Variants in BAIAP2L2 observed in about 807,000 individuals in gnomAD.
BAIAP2L2 encodes BAR/IMD domain-containing adapter protein 2-like 2.
A neutral mutation model predicts 60.4 loss-of-function variants in BAIAP2L2; 65 were observed. That is an observed-to-expected ratio of 1.08 (90% confidence interval 0.88 to 1.32). The LOEUF (loss-of-function observed/expected upper bound fraction) is 1.32. Among genes scored for constraint, BAIAP2L2 ranks in the 40% most tolerant of loss-of-function variants. The probability of loss-of-function intolerance (pLI) is 0.00; values close to 1 mark genes in which losing one functional copy is unlikely to be tolerated. For missense variants in BAIAP2L2, 836 were observed against 741.2 expected, an observed-to-expected ratio of 1.13 and a Z score of -1.48; for synonymous variants, 344 against 301.7, an observed-to-expected ratio of 1.14 and a Z score of -1.45.
At chr22:38,086,015 G>GC (rs1245384643) in intron 12 of BAIAP2L2, among the ~76,000 whole-genome samples, 3 of 152,138 alleles carry the variant, frequency 2.0e-5, no homozygotes, top group Admixed American at 6.5e-5. Context: ...GCCTCCCCCA[G>GC]CCCCGTCCTA....
At chr22:38,101,766 A>C (rs1022571880) in intron 4 of BAIAP2L2, among the ~76,000 whole-genome samples, 1 of 152,010 alleles carries the variant, frequency 6.6e-6, no homozygotes, top group Non-Finnish European at 1.5e-5. Context: ...AGGCAGGAGA[A>C]TCGCTTGAAC....
intron 4 of BAIAP2L2, among the ~76,000 whole-genome samples, chr22:38,101,371 TAAAA>T (rs529893934): frequency 4.6e-4 from 37 of 80,722 alleles, no homozygotes; most frequent in African/African-American, 1.4e-3. Context: ...TGTCTCTACA[TAAAA>T]AAAAAAAAAA....
rs991589698 is a variant in BAIAP2L2, at chr22:38,110,583, G to A, written c.-58C>T. ...GGGAGCTGGTGGCGATGGCACAGCC[G>A]GGAGCAGTGGTAGGTAGTCCCTCAG... On this transcript the variant is annotated 5_prime_UTR_variant, in exon 1 of 14. Transcript: ENST00000381669. The A allele has an allele frequency of 2.4e-5, 35 of 1,467,938 alleles. No homozygotes were observed. Among genetic ancestry groups the A allele is most frequent in the East Asian group, 1.9e-4 (8 of 42,586 alleles). The allele number at this position is 1,467,938 out of a possible 1,614,324, so 90.9% of individuals were successfully genotyped here.
chr22:38,089,333 G>C (rs1247738676), intron 8 of BAIAP2L2, 102 bp from the exon 9 acceptor site: 1 of 578,282 alleles, frequency 1.7e-6, no homozygotes, highest in East Asian at 3.5e-5. Context: ...CGGCGTAGGG[G>C]TTCTGGGGGC....
intron 3 of BAIAP2L2, among the ~76,000 whole-genome samples, 153 bp from the exon 4 acceptor site, chr22:38,108,066 G>A (rs1379320876): frequency 6.6e-6 from 1 of 152,050 alleles, no homozygotes; most frequent in Non-Finnish European, 1.5e-5. Context: ...CTGGGAGCCA[G>A]GCCATGTGTG....
chr22:38,098,591 A>C, intron 4 of BAIAP2L2, 109 bp from the exon 5 acceptor site: 1 of 761,022 alleles, frequency 1.3e-6, no homozygotes, highest in Non-Finnish European at 2.1e-6. Flanking sequence ...CTCCTAATAT[A>C]CCAGGCACCT....
At chr22:38,108,739 G>C (rs1232671831) in intron 2 of BAIAP2L2, among the ~76,000 whole-genome samples, 1 of 152,056 alleles carries the variant, frequency 6.6e-6, no homozygotes, top group Admixed American at 6.6e-5. Context: ...GAAGCCAGCT[G>C]CTGTGTGAGC....
In BAIAP2L2 at chr22:38,087,226, T is replaced by G. The variant is rs768675307; in HGVS notation, c.1157A>C (p.Glu386Ala). 1.2e-6 allele frequency: 2 copies of G among 1,606,490 alleles called. No homozygotes were observed. The highest frequency in any genetic ancestry group is 1.7e-6 in the Non-Finnish European group (2 of 1,176,884). The part of the protein sequence containing the change: ...WFPEAYVKAL[E>A]EGPVNPMTPV... ...GGTCATGGGATTCACGGGCCCCTCC[T>G]CCAGAGCCTTCACGTACGCCTCGGG... is the stretch of plus-strand genomic sequence containing the variant. Residue 386 changes from glutamate to alanine, a missense_variant, in exon 11 of 14, where the codon GAG (glutamate) becomes GCG (alanine). Glu to Ala is a moderately radical substitution (Grantham distance 107). Transcript: ENST00000381669.
chr22:38,087,191 G>A lies in BAIAP2L2; in HGVS notation c.1192C>T (p.Pro398Ser), dbSNP rs200410419. The change falls in exon 11 of 14, where the codon CCC (proline) becomes TCC (serine). Residue 398 changes from proline to serine, a missense_variant. Pro to Ser is a moderately conservative substitution (Grantham distance 74). Transcript: ENST00000381669. ...GPVNPMTPVT[P>S]MTSMTSMSPM... ...GACATGGAGGTCATGGAGGTCATGGGGGTCACGGGGGTCATGGGATTCACG... is the reference window on the plus strand; with the variant it reads ...GACATGGAGGTCATGGAGGTCATGGAGGTCACGGGGGTCATGGGATTCACG... 2.8e-4 allele frequency: 419 copies of A among 1,498,276 alleles called. 2 individuals carry two copies. The highest frequency in any genetic ancestry group is 1.6e-3 in the African/African-American group (114 of 72,692). 92.8% of individuals were successfully genotyped at this position (1,498,276 alleles called of 1,614,324 possible).
Position 38,089,178 on chromosome 22 carries a change from G to C in BAIAP2L2, c.819C>G (p.Gly273=). The C allele has an allele frequency of 7.6e-7, 1 of 1,312,754 alleles. No individual in the cohort carries two copies. Among genetic ancestry groups the C allele is most frequent in the Non-Finnish European group, 9.7e-7 (1 of 1,034,268 alleles). The allele number at this position is 1,312,754 out of a possible 1,614,324, so 81.3% of individuals were successfully genotyped here. Residue 273 remains glycine (G), a synonymous_variant, in exon 9 of 14, where the codon GGC becomes GGG. Transcript: ENST00000381669. ...FSSPRSRHGS[G]SYGTEPDARP... The stretch of plus-strand genomic sequence containing the variant: ...TCGCGTCGGGCTCGGTGCCGTAGGA[G>C]CCGGAGCCGTGCCGGCTGCGGGGGG...
intron 2 of BAIAP2L2, 32 bp downstream of exon 2, chr22:38,109,101 G>T (rs769019692): frequency 3.8e-6 from 6 of 1,575,438 alleles, no homozygotes; most frequent in South Asian, 3.3e-5. Flanking sequence ...GAGGCCCAGG[G>T]CTGGGGCTCG....
chr22:38,108,230 G>T, intron 3 of BAIAP2L2, 25 bp downstream of exon 3: 1 of 1,601,368 alleles, frequency 6.2e-7, no homozygotes, highest in African/African-American at 1.3e-5. Flanking sequence ...CAAGAATGGG[G>T]TCTGCTGTGG....
intron 4 of BAIAP2L2, among the ~76,000 whole-genome samples, chr22:38,105,656 T>C (rs5756913): frequency 0.45 from 67,601 of 151,906 alleles, 16,359 homozygotes; most frequent in South Asian, 0.63. Context: ...TAGGCCTTTT[T>C]CAGTGTCACC....
chr22:38,110,308 C>T (rs1026704902), intron 1 of BAIAP2L2, among the ~76,000 whole-genome samples, 167 bp downstream of exon 1: 3 of 151,808 alleles, frequency 2.0e-5, no homozygotes, highest in Admixed American at 1.3e-4. Context: ...TGGCTGAGTG[C>T]TCTCGGGGAT....
rs116589975 is a variant in BAIAP2L2 at position 38,100,028 on chromosome 22, T to C, written c.277-1546A>G. ...AGGGAGCTTGAGGGTGCCTCTTTGG[T>C]ACTGAAACCCTGAGCTATGGCTGCC... On this transcript the variant is annotated intron_variant, in intron 4 of 13. Coordinates refer to ENST00000381669, the MANE Select transcript of BAIAP2L2 (RefSeq NM_025045.6). Among the ~76,000 whole-genome samples the C allele has an allele frequency of 3.7e-3, 564 of 152,338 alleles. 6 individuals carry two copies. Among genetic ancestry groups the C allele is most frequent in the African/African-American group, 0.013 (528 of 41,584 alleles).
chr22:38,097,271 C>A, intron 6 of BAIAP2L2, 93 bp from the exon 7 acceptor site: 1 of 1,437,252 alleles, frequency 7.0e-7, no homozygotes, highest in South Asian at 1.2e-5. Flanking sequence ...GCCCCCTGTT[C>A]TTCCTGACTG....
intron 6 of BAIAP2L2, 60 bp downstream of exon 6, chr22:38,098,003 T>TGGCCCCC: frequency 1.5e-5 from 8 of 540,964 alleles, no homozygotes; most frequent in Non-Finnish European, 1.8e-5. Context: ...GGGCCCGGTC[T>TGGCCCCC]CGCCCCGAGG....
At chr22:38,085,785 C>G in intron 12 of BAIAP2L2, 53 bp from the exon 13 acceptor site, 2 of 1,464,278 alleles carry the variant, frequency 1.4e-6, no homozygotes, top group Non-Finnish European at 1.9e-6. Flanking sequence ...GCAAGCAATC[C>G]CTTGCTCCTC....
intron 2 of BAIAP2L2, 26 bp from the exon 3 acceptor site, chr22:38,108,367 G>A: frequency 6.4e-7 from 1 of 1,569,460 alleles, no homozygotes; most frequent in Non-Finnish European, 8.7e-7. Flanking sequence ...GACAGGTCTG[G>A]TCCAGCCCTG....
Sources: allele counts gnomAD v4.1 joint callset (sites outside exome capture counted in the v4.1 genomes callset), GRCh38; gene constraint gnomAD v4.1.1; transcripts MANE v1.5; gene names NCBI Gene and HGNC (gene_info 2026-07-23, HGNC 2026-07-21).